The following DLG1 variants were observed in gnomAD, a reference collection of about 807,000 sequenced individuals.
The protein encoded by DLG1 is disks large homolog 1.
A neutral mutation model predicts 123.4 loss-of-function variants in DLG1; 42 were observed. The ratio of observed to expected loss-of-function variants is 0.34; its 90% CI spans 0.27 to 0.44. The LOEUF is 0.44. Among genes scored for constraint, DLG1 ranks in the 20% least tolerant of loss-of-function variants. The pLI is 1.00. For missense variants in DLG1, 942 were observed against 1,082.6 expected, an observed-to-expected ratio of 0.87 and a Z score of 1.82; for synonymous variants, 317 against 356.2, an observed-to-expected ratio of 0.89 and a Z score of 1.24.
chr3:197,043,110 A>T lies in DLG1; in HGVS notation c.*1513T>A, dbSNP rs1409595190. On this transcript the variant is annotated 3_prime_UTR_variant, in exon 25 of 25. Coordinates refer to ENST00000667157, the MANE Select transcript of DLG1 (RefSeq NM_001366207.1). The stretch of plus-strand genomic sequence containing the variant: ...CCAAATATTATTATTAATATGAAGG[A>T]CCAGAGAAACTGATTTGTGAAATAA... The T allele has an allele frequency of 6.6e-6, 1 of 152,216 alleles. No homozygotes were observed. Among genetic ancestry groups the T allele is most frequent in the Non-Finnish European group, 1.5e-5 (1 of 68,044 alleles). The allele number at this position is 152,216 out of a possible 1,614,324, so 9.4% of individuals were successfully genotyped here.
intron 3 of DLG1, among the ~76,000 whole-genome samples, chr3:197,288,744 A>T (rs1390023422): frequency 2.7e-5 from 1 of 36,902 alleles, no homozygotes; most frequent in Non-Finnish European, 5.5e-5. Flanking sequence ...AAAAAAAAAA[A>T]TACATACATA....
rs1472225866 is a variant in DLG1, at chr3:197,182,373, G to C, written c.483+12052C>G. The stretch of plus-strand genomic sequence containing the variant: ...AACTTAACCTCAATGCCTACATAAT[G>C]ACTCCCCCTTCCTAGGTAATTCCAT... On this transcript the variant is annotated intron_variant, in intron 5 of 24. Transcript: ENST00000667157. Among the ~76,000 whole-genome samples the C allele has an allele frequency of 2.0e-5, 3 of 152,066 alleles. No homozygotes were observed. The East Asian group carries it at 5.8e-4, about 29-fold the overall frequency.
chr3:197,296,951 G>A, intron 2 of DLG1: 1 of 502,812 alleles, frequency 2.0e-6, no homozygotes. Context: ...AAGGACATCT[G>A]TTGGGGGGGG....
At chr3:197,241,268 A>G (rs1377560488) in intron 4 of DLG1, among the ~76,000 whole-genome samples, 2 of 152,114 alleles carry the variant, frequency 1.3e-5, no homozygotes, top group African/African-American at 2.4e-5. Flanking sequence ...AAAGAAAAAA[A>G]CCAAAACTAC....
chr3:197,081,602 C>T (rs1560529458), intron 16 of DLG1, among the ~76,000 whole-genome samples: 5 of 151,804 alleles, frequency 3.3e-5, no homozygotes, highest in Admixed American at 2.0e-4. Context: ...AAACTTTTAA[C>T]AAAAAGGTGG....
intron 13 of DLG1, among the ~76,000 whole-genome samples, chr3:197,114,996 A>G (rs1409098740): frequency 6.6e-6 from 1 of 151,198 alleles, no homozygotes; most frequent in Non-Finnish European, 1.5e-5. Flanking sequence ...GGAAAAAAAA[A>G]AAAAAAAAAA....
At chr3:197,299,079 G>C (rs1579669801), upstream of DLG1, 2 of 152,410 alleles carry the variant, frequency 1.3e-5, no homozygotes, top group South Asian at 2.1e-4. Flanking sequence ...AGCCGCCCTC[G>C]GCCAGCGCTG....
At chr3:197,182,570 A>G (rs1015954576) in intron 5 of DLG1, among the ~76,000 whole-genome samples, 5 of 152,198 alleles carry the variant, frequency 3.3e-5, no homozygotes, top group South Asian at 4.1e-4. Flanking sequence ...ATATTTATTG[A>G]GCTGCTTCTA....
At chr3:197,258,287 A>G (rs1380082096) in intron 4 of DLG1, among the ~76,000 whole-genome samples, 1 of 152,248 alleles carries the variant, frequency 6.6e-6, no homozygotes, top group Non-Finnish European at 1.5e-5. Context: ...AAATTAGTAA[A>G]TGGCATTAAT....
chr3:197,213,246 C>A (rs1434221362), intron 4 of DLG1, among the ~76,000 whole-genome samples: 2 of 152,166 alleles, frequency 1.3e-5, no homozygotes, highest in Admixed American at 6.5e-5. Flanking sequence ...AAGAAAACTG[C>A]TGACACAAAC....
chr3:197,297,197 A>G lies in DLG1; in HGVS notation c.8T>C (p.Val3Ala). Residue 3 changes from valine (V) to alanine (A), a missense_variant, in exon 2 of 25, where the codon GTC becomes GCC. By Grantham distance (64) the Val-to-Ala change is moderately conservative. Coordinates refer to ENST00000667157, the MANE Select transcript of DLG1 (RefSeq NM_001366207.1). The part of the protein sequence containing the change: MP[V>A]RKQDTQRALH... ...GAATAAACTCTCACCTTGCTTCCGG[A>G]CCGGCATTTTTCTCCAGAATCAGGA... 6.2e-7 allele frequency: 1 copy of G among 1,614,160 alleles called. No individual in the cohort carries two copies. Among genetic ancestry groups the G allele is most frequent in the Non-Finnish European group, 8.5e-7 (1 of 1,180,032 alleles).
intron 5 of DLG1, among the ~76,000 whole-genome samples, chr3:197,191,832 T>C (rs1719765233): frequency 6.6e-6 from 1 of 152,146 alleles, no homozygotes; most frequent in African/African-American, 2.4e-5. Flanking sequence ...AAACAATTTT[T>C]AACTTCCAAG....
chr3:197,165,888 AAAC>A (rs1358565904), intron 5 of DLG1, among the ~76,000 whole-genome samples: 1 of 152,266 alleles, frequency 6.6e-6, no homozygotes, highest in East Asian at 1.9e-4. Context: ...TGAGAGAAGT[AAAC>A]AATATAAGGC....
At chr3:197,170,430 A>AT (rs1267391078) in intron 5 of DLG1, among the ~76,000 whole-genome samples, 1 of 151,504 alleles carries the variant, frequency 6.6e-6, no homozygotes, top group African/African-American at 2.4e-5. Context: ...TCTTGTTTTG[A>AT]TTTTTTTTAA....
intron 4 of DLG1, among the ~76,000 whole-genome samples, chr3:197,217,186 G>C (rs1055174225): frequency 3.9e-5 from 6 of 152,164 alleles, no homozygotes; most frequent in Non-Finnish European, 7.4e-5. Context: ...GTTTTTTATA[G>C]TGATACACCA....
In DLG1 at chr3:197,144,700, T is replaced by C. The variant is rs117897067; in HGVS notation, c.538-1932A>G. The stretch of plus-strand genomic sequence containing the variant: ...CTTGAGAACTTTTGAAGCCCATCTC[T>C]ACTACCCTTTTGGGTTCTTAACTCT... On this transcript the variant is annotated intron_variant, in intron 6 of 24. Coordinates refer to ENST00000667157, the MANE Select transcript of DLG1 (RefSeq NM_001366207.1). Among the ~76,000 whole-genome samples, 35 of 152,340 alleles carry C rather than the reference T, an allele frequency of 2.3e-4. 1 individual carries two copies. In the East Asian group the frequency reaches 6.4e-3, roughly 28 times the overall value.
At chr3:197,147,137 A>T (rs910356910) in intron 6 of DLG1, among the ~76,000 whole-genome samples, 3 of 152,312 alleles carry the variant, frequency 2.0e-5, no homozygotes, top group Admixed American at 2.0e-4. Flanking sequence ...AAAATAAAAA[A>T]AAATAGATGT....
rs1459894550 is a variant in DLG1, at chr3:197,136,755, G to C, written c.884-77C>G. ...AGAAAGAAATGGTTGAAAACTACAA[G>C]GTAATTATTCCCTCACACTAATATT... On this transcript the variant is annotated intron_variant, in intron 9 of 24. Transcript: ENST00000667157. The C allele has an allele frequency of 2.4e-6, 3 of 1,251,778 alleles. No individual in the cohort carries two copies. The African/African-American group carries it at 4.5e-5, about 19-fold the overall frequency. The allele number at this position is 1,251,778 out of a possible 1,614,324, so 77.5% of individuals were successfully genotyped here. A position where few individuals can be genotyped will look rare whatever the true frequency, so the allele number is the denominator to read the frequency against.
intron 5 of DLG1, among the ~76,000 whole-genome samples, chr3:197,176,749 C>G (rs1807310761): frequency 6.6e-6 from 1 of 152,070 alleles, no homozygotes; most frequent in Non-Finnish European, 1.5e-5. Context: ...ATTATGAACA[C>G]AGCTGTTATA....
Sources: gnomAD v4.1 joint callset for allele counts (sites outside exome capture counted in the v4.1 genomes callset) on GRCh38, gnomAD v4.1.1 for gene constraint, MANE v1.5 for transcripts, NCBI Gene and HGNC (gene_info 2026-07-23, HGNC 2026-07-21) for gene names.